Variants in ELMO1 observed in about 807,000 individuals in gnomAD.
ELMO1 encodes the protein engulfment and cell motility 1, also known as engulfment and cell motility protein 1.
Under a neutral mutation model 98.9 loss-of-function variants are expected in ELMO1, and 26 were observed. The observed-to-expected ratio is 0.26, with a 90% CI of 0.19 to 0.36. The LOEUF is 0.36. Among genes scored for constraint, ELMO1 ranks in the 10% least tolerant of loss-of-function variants. ELMO1 has a pLI of 1.00. For missense variants in ELMO1, 627 were observed against 935.2 expected (o/e 0.67, Z 4.30); for synonymous variants, 346 against 346.0 (o/e 1.00, Z 0.00).
At chr7:37,106,778 A>T (rs973171452) in intron 14 of ELMO1, among the ~76,000 whole-genome samples, 13 of 152,154 alleles carry the variant, frequency 8.5e-5, no homozygotes, top group Admixed American at 5.2e-4. Flanking sequence ...TGCAAACCAC[A>T]CACACTTCAT....
At chr7:37,083,856 A>G (rs1783614558) in intron 15 of ELMO1, among the ~76,000 whole-genome samples, 1 of 152,190 alleles carries the variant, frequency 6.6e-6, no homozygotes, top group Admixed American at 6.5e-5. Flanking sequence ...AGGAGGAGGC[A>G]TCTTTGGAAA....
chr7:36,865,644 G>T (rs1225402471), intron 20 of ELMO1, among the ~76,000 whole-genome samples: 1 of 152,108 alleles, frequency 6.6e-6, no homozygotes, highest in Non-Finnish European at 1.5e-5. Context: ...TTCTCTGCCT[G>T]GCCAATTCCT....
intron 4 of ELMO1, among the ~76,000 whole-genome samples, chr7:37,303,994 C>T (rs755661993): frequency 7.9e-5 from 12 of 152,164 alleles, no homozygotes; most frequent in Non-Finnish European, 1.6e-4. Context: ...CGCTGCCCTG[C>T]TCTTCCGAGC....
intron 14 of ELMO1, among the ~76,000 whole-genome samples, chr7:37,112,850 T>C (rs1298710833): frequency 6.6e-6 from 1 of 152,204 alleles, no homozygotes; most frequent in African/African-American, 2.4e-5. Flanking sequence ...AGGGGGAAGC[T>C]ATTTTTAACT....
intron 1 of ELMO1, among the ~76,000 whole-genome samples, chr7:37,352,395 C>T (rs1347042450): frequency 2.6e-5 from 4 of 152,230 alleles, no homozygotes; most frequent in Non-Finnish European, 5.9e-5. Context: ...AGCCACTGTG[C>T]TGGGCTCTAC....
In ELMO1 at chr7:37,018,758, T is replaced by C. The variant is rs183668279; in HGVS notation, c.1301-5323A>G. 3.5e-3 allele frequency among the ~76,000 whole-genome samples: 532 copies of C among 152,324 alleles called. 9 individuals are homozygous for C. The highest frequency in any genetic ancestry group is 0.029 in the Admixed American group (447 of 15,308). On this transcript the variant is annotated intron_variant, in intron 15 of 21. Coordinates refer to ENST00000310758, the MANE Select transcript of ELMO1 (RefSeq NM_014800.11). ...TCGCAAAGTGCTGCGATTACAGGCA[T>C]AAGCCATCAGGCACAGCTAGTTACT...
intron 16 of ELMO1, among the ~76,000 whole-genome samples, chr7:36,925,799 A>C (rs1321423449): frequency 6.6e-6 from 1 of 152,194 alleles, no homozygotes; most frequent in East Asian, 1.9e-4. Context: ...ATTTTCTTCC[A>C]ACAAATGTCT....
At chr7:37,069,971 T>A (rs1797185529) in intron 15 of ELMO1, among the ~76,000 whole-genome samples, 1 of 152,174 alleles carries the variant, frequency 6.6e-6, no homozygotes, top group Non-Finnish European at 1.5e-5. Flanking sequence ...ATGAGAATTT[T>A]ATCAGTTGTC....
intron 1 of ELMO1, among the ~76,000 whole-genome samples, chr7:37,364,591 T>TTTG: frequency 6.6e-6 from 1 of 151,980 alleles, no homozygotes; most frequent in East Asian, 1.9e-4. Context: ...TAATTTTTTT[T>TTTG]TTTTTCAGAA....
chr7:37,106,931 C>T (rs1206053313), intron 14 of ELMO1, among the ~76,000 whole-genome samples: 6 of 152,140 alleles, frequency 3.9e-5, no homozygotes, highest in Non-Finnish European at 7.3e-5. Context: ...GGGTTGGGAC[C>T]TGAGGTCCCA....
At chr7:36,993,075 C>G (rs1406974848) in intron 16 of ELMO1, among the ~76,000 whole-genome samples, 1 of 152,088 alleles carries the variant, frequency 6.6e-6, no homozygotes, top group African/African-American at 2.4e-5. Context: ...CTCAGCTTAC[C>G]CTGGCAAGCA....
chr7:37,129,019 T>A (rs1444128517), intron 14 of ELMO1, among the ~76,000 whole-genome samples: 11 of 152,032 alleles, frequency 7.2e-5, no homozygotes. Flanking sequence ...GCCTTTGCCA[T>A]GAGGGCTGTC....
At chr7:36,865,048 G>A (rs1423435874) in intron 20 of ELMO1, among the ~76,000 whole-genome samples, 2 of 152,126 alleles carry the variant, frequency 1.3e-5, no homozygotes, top group Non-Finnish European at 2.9e-5. Context: ...ATGGTTCCTG[G>A]GTTTGGGGAC....
rs1009699586 is a variant in ELMO1 at position 36,924,453 on chromosome 7, A to G, written c.1438-29436T>C. On this transcript the variant is annotated intron_variant, in intron 16 of 21. Coordinates refer to ENST00000310758, the MANE Select transcript of ELMO1 (RefSeq NM_014800.11). ...TACTGAAACAGTGTAAAAGAAAACC[A>G]ATGCTGTACAAAAAAATAGAATCCC... 3.3e-5 allele frequency among the ~76,000 whole-genome samples: 5 copies of G among 152,278 alleles called. No individual in the cohort carries two copies. The South Asian group carries it at 1.0e-3, about 32-fold the overall frequency.
At chr7:37,344,425 T>C (rs1031377742) in intron 1 of ELMO1, among the ~76,000 whole-genome samples, 6 of 152,236 alleles carry the variant, frequency 3.9e-5, no homozygotes, top group Non-Finnish European at 5.9e-5. Flanking sequence ...CACAGCTACA[T>C]AGTAGTTCAT....
chr7:37,143,983 T>C (rs1787818329), intron 13 of ELMO1, among the ~76,000 whole-genome samples: 1 of 152,136 alleles, frequency 6.6e-6, no homozygotes. Flanking sequence ...AGTGCTGGGA[T>C]TACAAGTGTG....
intron 16 of ELMO1, among the ~76,000 whole-genome samples, chr7:36,922,528 C>T (rs1021943342): frequency 6.6e-6 from 1 of 151,908 alleles, no homozygotes; most frequent in Non-Finnish European, 1.5e-5. Flanking sequence ...TCTTGGATTG[C>T]GGGATCTTTT....
chr7:37,100,840 T>C (rs998117088), intron 14 of ELMO1, among the ~76,000 whole-genome samples: 2 of 152,240 alleles, frequency 1.3e-5, no homozygotes, highest in Non-Finnish European at 2.9e-5. Context: ...GCACTGATAA[T>C]GTGGTGACCT....
At chr7:37,272,167 A>T (rs1796596575) in intron 4 of ELMO1, among the ~76,000 whole-genome samples, 1 of 152,238 alleles carries the variant, frequency 6.6e-6, no homozygotes, top group Admixed American at 6.5e-5. Context: ...CTACATTTCT[A>T]CAATTCCTGA....
Sources: allele counts gnomAD v4.1 joint callset (sites outside exome capture counted in the v4.1 genomes callset), GRCh38; gene constraint gnomAD v4.1.1; transcripts MANE v1.5; gene names NCBI Gene and HGNC (gene_info 2026-07-23, HGNC 2026-07-21).